KRT32: variants seen among roughly 807,000 people sequenced by gnomAD.
The protein encoded by KRT32 is keratin, type I cuticular Ha2.
A neutral mutation model predicts 41.8 loss-of-function variants in KRT32; 44 were observed. The ratio of observed to expected loss-of-function variants is 1.05; its 90% CI spans 0.83 to 1.35. KRT32 has a LOEUF of 1.35. Ranked by LOEUF, KRT32 falls within the 40% of genes most tolerant of loss-of-function variation. The probability of loss-of-function intolerance (pLI) is 0.00; values close to 1 mark genes in which losing one functional copy is unlikely to be tolerated. For missense variants in KRT32, 576 were observed against 584.6 expected (o/e 0.99, Z 0.15); for synonymous variants, 238 against 242.5 (o/e 0.98, Z 0.17).
chr17:41,467,339 T>C lies in KRT32; in HGVS notation c.-14A>G. ...GGAGGATGTCATGTTGGAGAGGCCC[T>C]TTCTCCTCAGCCACAGCTACCTGGA... On this transcript the variant is annotated 5_prime_UTR_variant, in exon 1 of 7. Coordinates refer to ENST00000225899, the MANE Select transcript of KRT32 (RefSeq NM_002278.3). The C allele has an allele frequency of 1.9e-6, 3 of 1,580,328 alleles. No homozygotes were observed. The highest frequency in any genetic ancestry group is 2.6e-6 in the Non-Finnish European group (3 of 1,159,206).
intron 1 of KRT32, among the ~76,000 whole-genome samples, chr17:41,466,516 G>A (rs892299703): frequency 6.6e-6 from 1 of 152,224 alleles, no homozygotes; most frequent in Admixed American, 6.5e-5. Flanking sequence ...ACCAGGGGCT[G>A]TTCCAAGCAC....
chr17:41,465,796 A>C lies in KRT32; in HGVS notation c.685T>G (p.Cys229Gly). Residue 229 changes from cysteine (C) to glycine (G), a missense_variant, in exon 3 of 7, where the codon TGC becomes GGC. Cys to Gly is a radical substitution (Grantham distance 159, BLOSUM62 -3). Coordinates refer to ENST00000225899, the MANE Select transcript of KRT32 (RefSeq NM_002278.3). Reference protein sequence around the residue: ...QVESLKEELMCLKKNHEEEVG... With the variant: ...QVESLKEELMGLKKNHEEEVG... ...ACCTCCTCATGGTTCTTTTTGAGGC[A>C]CATCAGCTCCTCCTTCAGGGACTCA... The C allele has an allele frequency of 6.2e-7, 1 of 1,612,058 alleles. No homozygotes were observed. The highest frequency in any genetic ancestry group is 8.5e-7 in the Non-Finnish European group (1 of 1,179,076).
intron 6 of KRT32, 40 bp downstream of exon 6, chr17:41,462,790 C>T (rs1430940087): frequency 2.5e-5 from 40 of 1,605,986 alleles, no homozygotes; most frequent in Non-Finnish European, 3.2e-5. Flanking sequence ...TCCCAGAATC[C>T]CTGCCCACGT....
chr17:41,462,754 G>A, intron 6 of KRT32, 76 bp downstream of exon 6: 1 of 1,496,020 alleles, frequency 6.7e-7, no homozygotes, highest in Non-Finnish European at 9.2e-7. Context: ...GTCCCTCAAG[G>A]GTAGATCCAG....
intron 2 of KRT32, 63 bp downstream of exon 2, chr17:41,466,031 A>G: frequency 6.2e-7 from 1 of 1,604,994 alleles, no homozygotes; most frequent in Non-Finnish European, 8.5e-7. Context: ...AAACTAATGG[A>G]AAGTTGCCCC....
Position 41,463,025 on chromosome 17 carries a change from G to A in KRT32, c.1022C>T (p.Thr341Met), listed in dbSNP as rs368676953. 151 of 1,613,714 alleles carry A rather than the reference G, an allele frequency of 9.4e-5. No individual in the cohort carries two copies. The highest frequency in any genetic ancestry group is 4.3e-4 in the South Asian group (39 of 91,064). Residue 341 changes from threonine to methionine, a missense_variant, in exon 6 of 7, where the codon ACG becomes ATG. Transcript: ENST00000225899. ...GGAGCTGTAGCGGGCCTCACTCTCC[G>A]TCAGCGTGTTTTCCAGGGAGTCCCT... ...SLRDSLENTL[T>M]ESEARYSSQL...
chr17:41,466,252 G>A lies in KRT32; in HGVS notation c.469-76C>T, dbSNP rs545180631. On this transcript the variant is annotated intron_variant, in intron 1 of 6. Transcript: ENST00000225899. ...GAAGAACCCAAATGAAGAGAAGACA[G>A]CAGCAAAGGTAGGATCCAGCAGCCC... The A allele has an allele frequency of 7.5e-5, 93 of 1,237,094 alleles. 1 individual carries two copies. The Admixed American group carries it at 1.6e-3, about 22-fold the overall frequency. 76.6% of individuals were successfully genotyped at this position (1,237,094 alleles called of 1,614,324 possible).
chr17:41,465,395 C>G (rs1273082197), intron 3 of KRT32, among the ~76,000 whole-genome samples: 1 of 151,090 alleles, frequency 6.6e-6, no homozygotes, highest in African/African-American at 2.5e-5. Flanking sequence ...CACCACTCTA[C>G]CTCTGCTGTG....
chr17:41,464,867 C>T (rs779429171), intron 3 of KRT32, among the ~76,000 whole-genome samples: 1 of 152,228 alleles, frequency 6.6e-6, no homozygotes, highest in African/African-American at 2.4e-5. Flanking sequence ...AAAGTTGTCA[C>T]TGAGTCTGCC....
At chr17:41,466,225 A>C in intron 1 of KRT32, 49 bp from the exon 2 acceptor site, 1 of 1,498,426 alleles carries the variant, frequency 6.7e-7, no homozygotes, top group African/African-American at 1.4e-5. Context: ...GAGACGAAGC[A>C]AGAAGAACCC....
At chr17:41,463,133 T>G in intron 5 of KRT32, 83 bp from the exon 6 acceptor site, 1 of 1,351,456 alleles carries the variant, frequency 7.4e-7, no homozygotes. Context: ...GAGCCAAATC[T>G]CCCTTTGATG....
chr17:41,461,953 C>T (rs2019004826), intron 6 of KRT32, among the ~76,000 whole-genome samples: 1 of 152,156 alleles, frequency 6.6e-6, no homozygotes, highest in Non-Finnish European at 1.5e-5. Flanking sequence ...CTAACTCAGG[C>T]CCTCCCTATT....
At position 41,459,734 on chromosome 17, in the gene KRT32, C is replaced by T. The variant is rs1335939796; in HGVS notation, c.*376G>A. On this transcript the variant is annotated 3_prime_UTR_variant, in exon 7 of 7. Coordinates refer to ENST00000225899, the MANE Select transcript of KRT32 (RefSeq NM_002278.3). ...CATAAAAATAAATACAGAATTTGCC[C>T]ACGTTCCTCTTAAGCCCAATTGAGT... is the stretch of plus-strand genomic sequence containing the variant. 2 of 161,428 alleles carry T rather than the reference C, an allele frequency of 1.2e-5. No individual in the cohort carries two copies. The highest frequency in any genetic ancestry group is 2.7e-5 in the Non-Finnish European group (2 of 73,378). 10.0% of individuals were successfully genotyped at this position (161,428 alleles called of 1,614,324 possible).
chr17:41,462,654 G>A (rs188586410), intron 6 of KRT32, among the ~76,000 whole-genome samples, 176 bp downstream of exon 6: 1 of 152,328 alleles, frequency 6.6e-6, no homozygotes, highest in African/African-American at 2.4e-5. Flanking sequence ...CTTGGTTCAG[G>A]ATGGCAGCAT....
In KRT32 at chr17:41,467,359, C is replaced by T; in HGVS notation, c.-34G>A. 6.5e-7 allele frequency: 1 copy of T among 1,533,096 alleles called. No homozygotes were observed. The allele number at this position is 1,533,096 out of a possible 1,614,324, so 95.0% of individuals were successfully genotyped here. ...GGCCCTTTCTCCTCAGCCACAGCTA[C>T]CTGGATGTCTACAGACCCCATGCCG... is the stretch of plus-strand genomic sequence containing the variant. On this transcript the variant is annotated 5_prime_UTR_variant, in exon 1 of 7. Coordinates refer to ENST00000225899, the MANE Select transcript of KRT32 (RefSeq NM_002278.3).
chr17:41,464,152 A>G lies in KRT32; in HGVS notation c.922T>C (p.Tyr308His). The G allele has an allele frequency of 6.2e-7, 1 of 1,613,068 alleles. No homozygotes were observed. Among genetic ancestry groups the G allele is most frequent in the Non-Finnish European group, 8.5e-7 (1 of 1,179,356 alleles). ...VATSSEQLQN[Y>H]QSDIIDLRRT... ...CTCAGGTCAATGATGTCTGACTGGT[A>G]GTTCTGAAGCTGCTCAGAGCTTGTG... Residue 308 changes from tyrosine to histidine, a missense_variant, in exon 5 of 7, where the codon TAC (tyrosine) becomes CAC (histidine). Coordinates refer to ENST00000225899, the MANE Select transcript of KRT32 (RefSeq NM_002278.3).
rs779489601 is a variant in KRT32, at chr17:41,462,939, C to A, written c.1108G>T (p.Ala370Ser). The change falls in exon 6 of 7, where the codon GCT (alanine) becomes TCT (serine). Residue 370 changes from alanine to serine, a missense_variant. Physicochemically the swap from Ala to Ser is moderately conservative, Grantham distance 99. Coordinates refer to ENST00000225899, the MANE Select transcript of KRT32 (RefSeq NM_002278.3). ...NVEAQLAEIR[A>S]DLERQNQEYQ... ...TCCTGGTTCTGCCGCTCCAGGTCAG[C>A]CCGGATCTCAGCCAGCTGGGCCTCA... 18 of 1,614,150 alleles carry A rather than the reference C, an allele frequency of 1.1e-5. No individual in the cohort carries two copies. Among genetic ancestry groups the A allele is most frequent in the Non-Finnish European group, 1.5e-5 (18 of 1,180,022 alleles).
chr17:41,466,401 C>G (rs2019069302), intron 1 of KRT32, among the ~76,000 whole-genome samples: 1 of 152,176 alleles, frequency 6.6e-6, no homozygotes, highest in South Asian at 2.1e-4. Context: ...TTCAAATTCC[C>G]CATTTTGGAT....
intron 1 of KRT32, 31 bp from the exon 2 acceptor site, chr17:41,466,207 T>C (rs1333175534): frequency 1.3e-6 from 2 of 1,591,562 alleles, no homozygotes; most frequent in East Asian, 4.5e-5. Context: ...AGAGGGTTAG[T>C]TCAGGATGAG....
Sources: allele counts gnomAD v4.1 joint callset (sites outside exome capture counted in the v4.1 genomes callset), GRCh38; gene constraint gnomAD v4.1.1; transcripts MANE v1.5; gene names NCBI Gene and HGNC (gene_info 2026-07-23, HGNC 2026-07-21).